Variants in A3GALT2 observed in about 807,000 individuals in gnomAD.
A3GALT2 encodes alpha 1,3-galactosyltransferase 2.
A3GALT2 carries 14 observed loss-of-function variants against 16.6 expected under a neutral mutation model. The ratio of observed to expected loss-of-function variants is 0.84; its 90% CI spans 0.56 to 1.32. A3GALT2 has a LOEUF of 1.32. Among genes scored for constraint, A3GALT2 ranks in the 40% most tolerant of loss-of-function variants. A3GALT2 has a pLI of 0.00. For missense variants in A3GALT2, 600 were observed against 490.9 expected, an observed-to-expected ratio of 1.22 and a Z score of -2.10; for synonymous variants, 253 against 218.0, an observed-to-expected ratio of 1.16 and a Z score of -1.42.
Position 33,306,890 on chromosome 1 carries a change from A to T in A3GALT2, c.899T>A (p.Leu300Gln). ...CGACAGCACCTTGGCGGGCTTGTGCAGCCAGAAGAACTTGTTGAGGTGGCT... is the reference window on the plus strand; with the variant it reads ...CGACAGCACCTTGGCGGGCTTGTGCTGCCAGAAGAACTTGTTGAGGTGGCT... The part of the protein sequence containing the change: ...DESHLNKFFW[L>Q]HKPAKVLSPE... The change falls in exon 5 of 5, where the codon CTG becomes CAG. Residue 300 changes from leucine to glutamine, a missense_variant. Physicochemically the swap from Leu to Gln is moderately radical, Grantham distance 113. Coordinates refer to ENST00000442999, the MANE Select transcript of A3GALT2 (RefSeq NM_001080438.1). The T allele has an allele frequency of 2.0e-6, 3 of 1,522,616 alleles. No individual in the cohort carries two copies. The highest frequency in any genetic ancestry group is 2.6e-6 in the Non-Finnish European group (3 of 1,140,662). The allele number at this position is 1,522,616 out of a possible 1,614,324, so 94.3% of individuals were successfully genotyped here. A position where few individuals can be genotyped will look rare whatever the true frequency, so the allele number is the denominator to read the frequency against.
At chr1:33,318,562 C>T (rs1646271452) in intron 1 of A3GALT2, among the ~76,000 whole-genome samples, 1 of 152,168 alleles carries the variant, frequency 6.6e-6, no homozygotes, top group African/African-American at 2.4e-5. Flanking sequence ...CCTTGTTTCT[C>T]ACTTGGATTC....
chr1:33,318,594 G>C (rs1646271530), intron 1 of A3GALT2, among the ~76,000 whole-genome samples: 1 of 152,068 alleles, frequency 6.6e-6, no homozygotes, highest in South Asian at 2.1e-4. Flanking sequence ...TCCTGACCCT[G>C]CCTCCGAGTC....
rs911034170 is a variant in A3GALT2, at chr1:33,312,979, T to C, written c.24-89A>G. The C allele has an allele frequency of 1.1e-5, 12 of 1,098,126 alleles. No individual in the cohort carries two copies. The East Asian group carries it at 3.1e-4, about 29-fold the overall frequency. The allele number at this position is 1,098,126 out of a possible 1,614,324, so 68.0% of individuals were successfully genotyped here. A position where few individuals can be genotyped will look rare whatever the true frequency, so the allele number is the denominator to read the frequency against. On this transcript the variant is annotated intron_variant, in intron 1 of 4. Coordinates refer to ENST00000442999, the MANE Select transcript of A3GALT2 (RefSeq NM_001080438.1). ...CACATACATGAAAAGTCTTTCTTACTTCCAGCCAGCTGGTTCTTCTGCATG... is the reference window on the plus strand; with the variant it reads ...CACATACATGAAAAGTCTTTCTTACCTCCAGCCAGCTGGTTCTTCTGCATG...
At chr1:33,313,257 C>T (rs1316903290) in intron 1 of A3GALT2, 1 of 161,716 alleles carries the variant, frequency 6.2e-6, no homozygotes, top group Non-Finnish European at 1.3e-5. Context: ...TCACAGCTCA[C>T]TGCAGCCTTG....
intron 4 of A3GALT2, among the ~76,000 whole-genome samples, chr1:33,309,565 A>G (rs1646222665): frequency 1.3e-5 from 2 of 149,456 alleles, no homozygotes; most frequent in African/African-American, 5.0e-5. Context: ...TGCCGGGCGG[A>G]GGGGCTCCTC....
chr1:33,311,920 G>A, intron 4 of A3GALT2, 132 bp downstream of exon 4: 1 of 1,321,504 alleles, frequency 7.6e-7, no homozygotes, highest in Non-Finnish European at 1.0e-6. Context: ...GGGGCAAGAA[G>A]TGTTGTCTTT....
intron 1 of A3GALT2, among the ~76,000 whole-genome samples, chr1:33,317,962 A>G (rs753135556): frequency 1.6e-4 from 25 of 152,350 alleles, no homozygotes; most frequent in Admixed American, 7.2e-4. Flanking sequence ...CTCAACTTGT[A>G]TAATAGAAAT....
In A3GALT2 at chr1:33,312,096, T is replaced by A. The variant is rs754894747; in HGVS notation, c.291A>T (p.Arg97Ser). Residue 97 changes from arginine (R) to serine (S), a missense_variant, in exon 4 of 5, where the codon AGA (arginine) becomes AGT (serine). Transcript: ENST00000442999. ...TCAGCCCAATGGTGAGGTTCTGCTG[T>A]CTAGCCTCTTGCTTGGCCACATCTG... ...FDPDVAKQEA[R>S]QQNLTIGLTI... The A allele has an allele frequency of 3.7e-6, 6 of 1,613,726 alleles. No individual in the cohort carries two copies. The highest frequency in any genetic ancestry group is 5.1e-6 in the Non-Finnish European group (6 of 1,179,858).
intron 4 of A3GALT2, among the ~76,000 whole-genome samples, chr1:33,309,966 A>G (rs1162578203): frequency 6.6e-6 from 1 of 152,326 alleles, no homozygotes; most frequent in East Asian, 1.9e-4. Context: ...TGGTAGGTGG[A>G]GGTTGTAGCG....
In A3GALT2 at chr1:33,307,190, A is replaced by C. The variant is rs1432414969; in HGVS notation, c.599T>G (p.Val200Gly). ...AAAAGTGCCGCTGAAGTGCTGGTCCACGTCCATGCAGAACATGAAGTGCGC... is the reference window on the plus strand; with the variant it reads ...AAAAGTGCCGCTGAAGTGCTGGTCCCCGTCCATGCAGAACATGAAGTGCGC... ...REAHFMFCMD[V>G]DQHFSGTFGP... The change falls in exon 5 of 5, where the codon GTG becomes GGG. Residue 200 changes from valine (V) to glycine (G), a missense_variant. Coordinates refer to ENST00000442999, the MANE Select transcript of A3GALT2 (RefSeq NM_001080438.1). 2 of 1,544,398 alleles carry C rather than the reference A, an allele frequency of 1.3e-6. No individual in the cohort carries two copies. The highest frequency in any genetic ancestry group is 1.7e-6 in the Non-Finnish European group (2 of 1,148,982).
chr1:33,321,005 A>G (rs1646283542), intron 1 of A3GALT2, 71 bp downstream of exon 1: 13 of 1,594,048 alleles, frequency 8.2e-6, no homozygotes, highest in Non-Finnish European at 1.1e-5. Flanking sequence ...TGTTTTAGCC[A>G]TCAGACTGGA....
chr1:33,313,462 G>A (rs1646246372), intron 1 of A3GALT2: 1 of 151,900 alleles, frequency 6.6e-6, no homozygotes, highest in African/African-American at 2.4e-5. Flanking sequence ...TTAGAGAAGA[G>A]TTACTGGGCT....
chr1:33,313,918 A>G (rs779359849), intron 1 of A3GALT2: 9 of 152,218 alleles, frequency 5.9e-5, no homozygotes, highest in Admixed American at 3.9e-4. Context: ...TCATGTTGCA[A>G]TAGTTCACTC....
At chr1:33,309,354 C>T (rs1307511187) in intron 4 of A3GALT2, among the ~76,000 whole-genome samples, 22 of 148,058 alleles carry the variant, frequency 1.5e-4, no homozygotes, top group Admixed American at 4.7e-4. Flanking sequence ...TGGGCAGAGG[C>T]GCCCCCCCAC....
At chr1:33,316,395 G>A (rs1360813771) in intron 1 of A3GALT2, among the ~76,000 whole-genome samples, 1 of 152,064 alleles carries the variant, frequency 6.6e-6, no homozygotes, top group Admixed American at 6.5e-5. Flanking sequence ...TATTTCCTCT[G>A]GGGAGTGACT....
chr1:33,311,587 C>T (rs964756524), intron 4 of A3GALT2, among the ~76,000 whole-genome samples: 7 of 152,200 alleles, frequency 4.6e-5, no homozygotes, highest in African/African-American at 1.4e-4. Flanking sequence ...AGCCCCTCTC[C>T]CTTCATCAGA....
chr1:33,317,009 G>A (rs566532026), intron 1 of A3GALT2, among the ~76,000 whole-genome samples: 36 of 152,320 alleles, frequency 2.4e-4, no homozygotes, highest in African/African-American at 8.2e-4. Context: ...AGGGGACAGG[G>A]TGGTTGTATT....
At position 33,306,983 on chromosome 1, in the gene A3GALT2, G is replaced by C. The variant is rs1646196650; in HGVS notation, c.806C>G (p.Thr269Arg). ...GGSVAALRGL[T>R]AHCAGGLDWD... ...GTCCAGGCCCCCCGCACAGTGCGCC[G>C]TCAGCCCGCGCAGCGCCGCCACGCT... is the stretch of plus-strand genomic sequence containing the variant. Residue 269 changes from threonine to arginine, a missense_variant, in exon 5 of 5, where the codon ACG becomes AGG. Transcript: ENST00000442999. 2 of 1,471,188 alleles carry C rather than the reference G, an allele frequency of 1.4e-6. No individual in the cohort carries two copies. Among genetic ancestry groups the C allele is most frequent in the Admixed American group, 2.5e-5 (1 of 39,708 alleles). The allele number at this position is 1,471,188 out of a possible 1,614,324, so 91.1% of individuals were successfully genotyped here. A position where few individuals can be genotyped will look rare whatever the true frequency, so the allele number is the denominator to read the frequency against.
chr1:33,308,750 G>GTTT (rs56655319), intron 4 of A3GALT2, among the ~76,000 whole-genome samples: 19 of 46,088 alleles, frequency 4.1e-4, no homozygotes, highest in Non-Finnish European at 5.3e-4. Flanking sequence ...TGTCAAAGTT[G>GTTT]TTTTTTTTTT....
Sources: allele counts gnomAD v4.1 joint callset (sites outside exome capture counted in the v4.1 genomes callset), GRCh38; gene constraint gnomAD v4.1.1; transcripts MANE v1.5; gene names NCBI Gene and HGNC (gene_info 2026-07-23, HGNC 2026-07-21).